APC: variants seen among roughly 807,000 people sequenced by gnomAD.
APC encodes adenomatous polyposis coli protein.
In APC, 72 loss-of-function variants were observed where a neutral mutation model predicts 247.0. That is an observed-to-expected ratio of 0.29 (90% CI 0.24 to 0.35). APC has a LOEUF of 0.35. Among genes scored for constraint, APC ranks in the 10% least tolerant of loss-of-function variants. The pLI is 1.00. For synonymous variants in APC, 1,254 were observed against 1,162.5 expected (o/e 1.08, Z -1.60); for missense variants, 3,400 against 3,360.7 (o/e 1.01, Z -0.29).
intron 13 of APC, among the ~76,000 whole-genome samples, chr5:112,828,401 T>C (rs942191942): frequency 2.0e-5 from 3 of 151,602 alleles, no homozygotes; most frequent in Non-Finnish European, 4.4e-5. Context: ...AATAATTATA[T>C]TGTGGTTAGA....
chr5:112,730,625 T>C (rs1183239976), intron 1 of APC, among the ~76,000 whole-genome samples: 1 of 152,204 alleles, frequency 6.6e-6, no homozygotes, highest in Non-Finnish European at 1.5e-5. Context: ...TGAACCTAAT[T>C]GCATGGCCCT....
intron 4 of APC, 118 bp downstream of exon 4, chr5:112,767,508 G>A: frequency 1.2e-6 from 1 of 814,956 alleles, no homozygotes; most frequent in Non-Finnish European, 1.9e-6. Context: ...AGAGCATTTT[G>A]CATTTTTAAA....
chr5:112,727,467 C>G (rs1468376058), intron 1 of APC, among the ~76,000 whole-genome samples: 1 of 152,128 alleles, frequency 6.6e-6, no homozygotes, highest in Non-Finnish European at 1.5e-5. Context: ...GCTTTGGTTT[C>G]AAGTTCTAAA....
intron 10 of APC, among the ~76,000 whole-genome samples, chr5:112,820,733 C>G (rs778279980): frequency 4.3e-4 from 65 of 152,146 alleles, no homozygotes; most frequent in Middle Eastern, 3.2e-3. Context: ...AGTTTTGAAA[C>G]CTCGTGCATA....
chr5:112,732,026 T>C (rs918685951), intron 1 of APC, among the ~76,000 whole-genome samples: 1 of 152,226 alleles, frequency 6.6e-6, no homozygotes, highest in African/African-American at 2.4e-5. Context: ...CCTCCCAAAG[T>C]GCTGGGGTTA....
chr5:112,841,966 ATC>A lies in APC; in HGVS notation c.6374_6375del (p.Ser2125Ter). 6.2e-7 allele frequency: 1 copy of A among 1,613,776 alleles called. No homozygotes were observed. The highest frequency in any genetic ancestry group is 1.3e-5 in the African/African-American group (1 of 75,020). ...ATCAAGCTGCTGCTGCTGCATGTTT[ATC>A]TAGACAAGCTTCGTCTGATTCAGAT... ...LHQAAAAACL[S>X]RQASSDSDSI... On this transcript the variant is annotated frameshift_variant, in exon 16 of 16. Transcript: ENST00000257430. LOFTEE classifies it high-confidence loss of function. The surrounding 1 kb of genome is among the most constrained non-coding windows in gnomAD (Gnocchi z 4.6).
intron 6 of APC, among the ~76,000 whole-genome samples, chr5:112,784,034 A>G (rs1003433669): frequency 2.6e-5 from 4 of 152,066 alleles, no homozygotes; most frequent in Non-Finnish European, 4.4e-5. Context: ...GTGTGAAAGT[A>G]AAAACATCAT....
chr5:112,724,222 A>G (rs1403712072), intron 1 of APC, among the ~76,000 whole-genome samples: 1 of 152,156 alleles, frequency 6.6e-6, no homozygotes, highest in Non-Finnish European at 1.5e-5. Context: ...AATTGCTACT[A>G]GATACCTGGG....
At chr5:112,825,096 T>C (rs1763507327) in intron 11 of APC, among the ~76,000 whole-genome samples, 1 of 152,170 alleles carries the variant, frequency 6.6e-6, no homozygotes, top group Non-Finnish European at 1.5e-5. Context: ...CCCAGTTTCC[T>C]TTTCTCAGAA....
chr5:112,804,618 T>TC (rs1361669105), intron 8 of APC, among the ~76,000 whole-genome samples: 1 of 152,138 alleles, frequency 6.6e-6, no homozygotes, highest in African/African-American at 2.4e-5. Flanking sequence ...GACCTCGTGA[T>TC]CCTCCCGCCT....
intron 7 of APC, among the ~76,000 whole-genome samples, chr5:112,800,974 A>C (rs988183196): frequency 2.0e-5 from 3 of 152,140 alleles, no homozygotes; most frequent in Non-Finnish European, 2.9e-5. Context: ...TATTTGTTCT[A>C]CTTGGGTTAT....
rs1580617421 is a variant in APC at position 112,837,595 on chromosome 5, A to G, written c.2001A>G (p.Gln667=). The G allele has an allele frequency of 1.2e-6, 2 of 1,612,730 alleles. No homozygotes were observed. Among genetic ancestry groups the G allele is most frequent in the Non-Finnish European group, 1.7e-6 (2 of 1,178,902 alleles). ...RENNCLQTLL[Q]HLKSHSLTIV... ...ACAACTGTCTACAAACTTTATTACAACACTTAAAATCTCATAGTTTGACAA... is the reference window on the plus strand; with the variant it reads ...ACAACTGTCTACAAACTTTATTACAGCACTTAAAATCTCATAGTTTGACAA... The change falls in exon 16 of 16, where the codon CAA becomes CAG. Residue 667 remains glutamine, a synonymous_variant. Coordinates refer to ENST00000257430, the MANE Select transcript of APC (RefSeq NM_000038.6).
intron 1 of APC, among the ~76,000 whole-genome samples, chr5:112,740,594 G>A (rs11950732): frequency 0.049 from 7,089 of 143,388 alleles, 523 homozygotes; most frequent in African/African-American, 0.17. Flanking sequence ...TAGCAAACAT[G>A]GCTCACTTGC....
At chr5:112,773,934 A>G (rs889789793) in intron 4 of APC, among the ~76,000 whole-genome samples, 1 of 152,222 alleles carries the variant, frequency 6.6e-6, no homozygotes, top group African/African-American at 2.4e-5. Flanking sequence ...TAGACATGAA[A>G]AAGCAAAAAG....
chr5:112,813,766 G>A (rs1311807339), intron 8 of APC, among the ~76,000 whole-genome samples: 14 of 145,088 alleles, frequency 9.6e-5, no homozygotes, highest in African/African-American at 2.3e-4. Flanking sequence ...AAAAAAAAAA[G>A]AAAAAAGAAA....
chr5:112,844,010 C>G lies in APC; in HGVS notation c.8416C>G (p.Pro2806Ala), dbSNP rs587780608. The change falls in exon 16 of 16, where the codon CCA (proline) becomes GCA (alanine). Residue 2806 changes from proline (P) to alanine (A), a missense_variant. This residue lies in a region of APC where 1,788 missense variants were observed against 1,649.5 expected (regional missense o/e 1.08). Coordinates refer to ENST00000257430, the MANE Select transcript of APC (RefSeq NM_000038.6). ...DSTSARPSQI[P>A]TPVNNNTKKR... Reference sequence around the variant, plus strand: ...CACTTCAGCTCGGCCATCTCAGATCCCAACTCCAGTGAATAACAACACAAA... The same window carrying G: ...CACTTCAGCTCGGCCATCTCAGATCGCAACTCCAGTGAATAACAACACAAA... 13 of 1,601,592 alleles carry G rather than the reference C, an allele frequency of 8.1e-6. No individual in the cohort carries two copies. The highest frequency in any genetic ancestry group is 1.0e-5 in the Non-Finnish European group (12 of 1,175,598).
In APC at chr5:112,776,870, A is replaced by T. The variant is rs145164658; in HGVS notation, c.531+1133A>T. 7.3e-3 allele frequency among the ~76,000 whole-genome samples: 1,108 copies of T among 152,144 alleles called. 36 individuals carry two copies. The highest frequency in any genetic ancestry group is 0.059 in the Admixed American group (902 of 15,260). On this transcript the variant is annotated intron_variant, in intron 5 of 15. Transcript: ENST00000257430. Reference sequence around the variant, plus strand: ...AAAACAAAAAGAAAAAATAAAAAAAAAAATAAATGACTCACTAGAGGAATC... The same window carrying T: ...AAAACAAAAAGAAAAAATAAAAAAATAAATAAATGACTCACTAGAGGAATC...
At chr5:112,803,471 C>T (rs1170097975) in intron 8 of APC, among the ~76,000 whole-genome samples, 1 of 152,178 alleles carries the variant, frequency 6.6e-6, no homozygotes, top group African/African-American at 2.4e-5. Context: ...CCCTCACTAA[C>T]TAGCTTAGTA....
chr5:112,820,688 C>G (rs1329954918), intron 10 of APC, among the ~76,000 whole-genome samples: 2 of 152,132 alleles, frequency 1.3e-5, no homozygotes, highest in African/African-American at 2.4e-5. Flanking sequence ...AATGATACTT[C>G]TTTTGAGAAG....
Sources: allele counts gnomAD v4.1 joint callset (sites outside exome capture counted in the v4.1 genomes callset), GRCh38; gene constraint gnomAD v4.1.1; regional missense constraint gnomAD v4.1.1; non-coding constraint Gnocchi (gnomAD v3.1); transcripts MANE v1.5; gene names NCBI Gene and HGNC (gene_info 2026-07-23, HGNC 2026-07-21).